The following CHST13 variants were observed in gnomAD, a reference collection of about 807,000 sequenced individuals.
CHST13 encodes the protein carbohydrate sulfotransferase 13.
In CHST13, 1 loss-of-function variant was observed where a neutral mutation model predicts 7.0. The ratio of observed to expected loss-of-function variants is 0.14; its 90% CI spans 0.05 to 0.68. CHST13 has a LOEUF of 0.68. Among genes scored for constraint, CHST13 ranks in the 30% least tolerant of loss-of-function variants. CHST13 has a pLI of 0.82. For synonymous variants in CHST13, 257 were observed against 240.9 expected (o/e 1.07, Z -0.62); for missense variants, 572 against 507.9 (o/e 1.13, Z -1.21).
Position 126,542,761 on chromosome 3 carries a change from C to A in CHST13, c.*183C>A. The A allele has an allele frequency of 1.1e-6, 1 of 887,834 alleles. No homozygotes were observed. The highest frequency in any genetic ancestry group is 1.5e-6 in the Non-Finnish European group (1 of 653,638). 55.0% of individuals were successfully genotyped at this position (887,834 alleles called of 1,614,324 possible). A position where few individuals can be genotyped will look rare whatever the true frequency, so the allele number is the denominator to read the frequency against. The stretch of plus-strand genomic sequence containing the variant: ...TTGGGGGCAGCCCATCTCAGGTGGC[C>A]CTGCACGCGTGTGCCTGCCTCGGCC... On this transcript the variant is annotated 3_prime_UTR_variant, in exon 3 of 3. Coordinates refer to ENST00000319340, the MANE Select transcript of CHST13 (RefSeq NM_152889.3).
At chr3:126,535,879 G>A (rs1310078344) in intron 1 of CHST13, among the ~76,000 whole-genome samples, 1 of 152,234 alleles carries the variant, frequency 6.6e-6, no homozygotes, top group Non-Finnish European at 1.5e-5. Context: ...TGAGGGTGCT[G>A]GGCAGCCAGC....
Position 126,537,812 on chromosome 3 carries a change from G to A in CHST13, c.180+1459G>A, listed in dbSNP as rs182730013. 2.9e-4 allele frequency among the ~76,000 whole-genome samples: 44 copies of A among 152,338 alleles called. No individual in the cohort carries two copies. In the East Asian group the frequency reaches 5.8e-3, roughly 20 times the overall value. On this transcript the variant is annotated intron_variant, in intron 2 of 2. Transcript: ENST00000319340. ...ATCACGTGCCAGGCCCTTTAGTTCT[G>A]TGGACTAATTACGTCAACCCATAAG...
intron 1 of CHST13, among the ~76,000 whole-genome samples, chr3:126,530,493 G>C (rs974365316): frequency 6.6e-6 from 1 of 152,200 alleles, no homozygotes; most frequent in Non-Finnish European, 1.5e-5. Flanking sequence ...AACACAGGCT[G>C]CTGAGCACCA....
chr3:126,528,337 A>G (rs942234895), intron 1 of CHST13, among the ~76,000 whole-genome samples: 8 of 152,138 alleles, frequency 5.3e-5, no homozygotes, highest in African/African-American at 1.9e-4. Flanking sequence ...AAAAGCAAAA[A>G]GTCCCCTTCC....
Position 126,541,853 on chromosome 3 carries a change from G to C in CHST13, c.301G>C (p.Val101Leu). The C allele has an allele frequency of 1.3e-6, 2 of 1,586,826 alleles. No individual in the cohort carries two copies. Among genetic ancestry groups the C allele is most frequent in the Non-Finnish European group, 1.7e-6 (2 of 1,167,300 alleles). Residue 101 changes from valine to leucine, a missense_variant, in exon 3 of 3, where the codon GTG (valine) becomes CTG (leucine). By Grantham distance (32) the Val-to-Leu change is conservative (BLOSUM62 1). Coordinates refer to ENST00000319340, the MANE Select transcript of CHST13 (RefSeq NM_152889.3). Reference sequence around the variant, plus strand: ...GCCGGAGGACCTGCGGCACGTGCTGGTGGACGACGCGCATGGCCTGCTCTA... The same window carrying C: ...GCCGGAGGACCTGCGGCACGTGCTGCTGGACGACGCGCATGGCCTGCTCTA... ...LQPEDLRHVL[V>L]DDAHGLLYCY...
chr3:126,524,265 C>T lies in CHST13; in HGVS notation c.-68C>T, dbSNP rs1936490643. On this transcript the variant is annotated 5_prime_UTR_variant, in exon 1 of 3. Transcript: ENST00000319340. ...GGCGCTGCGCTGCCGGGGCCGGGTC[C>T]TGGGCCAGTGCAACTCCGCCCCCAG... 5 of 1,178,106 alleles carry T rather than the reference C, an allele frequency of 4.2e-6. No homozygotes were observed. The highest frequency in any genetic ancestry group is 1.6e-5 in the African/African-American group (1 of 62,600). 73.0% of individuals were successfully genotyped at this position (1,178,106 alleles called of 1,614,324 possible).
Position 126,541,924 on chromosome 3 carries a change from G to T in CHST13, c.372G>T (p.Leu124=). The stretch of plus-strand genomic sequence containing the variant: ...CCTGCACCAACTGGAAGCGCGTGCT[G>T]CTGGCGCTGAGCGGCCAAGCCCGCG... ...KVACTNWKRV[L]LALSGQARGD... is the part of the protein sequence containing the mutation. Residue 124 remains leucine (L), a synonymous_variant, in exon 3 of 3, where the codon CTG becomes CTT. Coordinates refer to ENST00000319340, the MANE Select transcript of CHST13 (RefSeq NM_152889.3). The T allele has an allele frequency of 6.3e-7, 1 of 1,596,888 alleles. No homozygotes were observed. The highest frequency in any genetic ancestry group is 8.5e-7 in the Non-Finnish European group (1 of 1,172,520).
Position 126,542,489 on chromosome 3 carries a change from C to T in CHST13, c.937C>T (p.Pro313Ser), listed in dbSNP as rs148180435. The change falls in exon 3 of 3, where the codon CCC becomes TCC. Residue 313 changes from proline to serine, a missense_variant. By Grantham distance (74) the Pro-to-Ser change is moderately conservative (BLOSUM62 -1). Transcript: ENST00000319340. ...LAARLFRDIS[P>S]FYQRRLFDLY... ...AGCGCGCCTCTTCCGGGACATCAGCCCCTTCTACCAGCGGCGCCTCTTCGA... is the reference window on the plus strand; with the variant it reads ...AGCGCGCCTCTTCCGGGACATCAGCTCCTTCTACCAGCGGCGCCTCTTCGA... 9.7e-5 allele frequency: 153 copies of T among 1,582,730 alleles called. No individual in the cohort carries two copies. Among genetic ancestry groups the T allele is most frequent in the Non-Finnish European group, 1.2e-4 (143 of 1,168,242 alleles).
In CHST13 at chr3:126,542,721, C is replaced by T; in HGVS notation, c.*143C>T. On this transcript the variant is annotated 3_prime_UTR_variant, in exon 3 of 3. Coordinates refer to ENST00000319340, the MANE Select transcript of CHST13 (RefSeq NM_152889.3). ...GGCCGCCGGGCCAGCGGGCGCAGGGCACACCTGGCCAGGCTTGGGGGCAGC... is the reference window on the plus strand; with the variant it reads ...GGCCGCCGGGCCAGCGGGCGCAGGGTACACCTGGCCAGGCTTGGGGGCAGC... 8.0e-7 allele frequency: 1 copy of T among 1,250,162 alleles called. No individual in the cohort carries two copies. The highest frequency in any genetic ancestry group is 1.0e-6 in the Non-Finnish European group (1 of 970,500). 77.4% of individuals were successfully genotyped at this position (1,250,162 alleles called of 1,614,324 possible). A position where few individuals can be genotyped will look rare whatever the true frequency, so the allele number is the denominator to read the frequency against.
chr3:126,530,269 C>T (rs1936626506), intron 1 of CHST13, among the ~76,000 whole-genome samples: 1 of 152,262 alleles, frequency 6.6e-6, no homozygotes, highest in African/African-American at 2.4e-5. Context: ...TCTCTGGTAC[C>T]TGCTCCCTTT....
rs371306853 is a variant in CHST13, at chr3:126,536,372, G to C, written c.180+19G>C. On this transcript the variant is annotated intron_variant, in intron 2 of 2. Coordinates refer to ENST00000319340, the MANE Select transcript of CHST13 (RefSeq NM_152889.3). The stretch of plus-strand genomic sequence containing the variant: ...GGATCAGGTAGGTGGACAGACCCTC[G>C]ACCCAGGCATGCCCCCCTCCATCCC... 1.9e-4 allele frequency: 310 copies of C among 1,599,826 alleles called. No individual in the cohort carries two copies. The highest frequency in any genetic ancestry group is 2.5e-4 in the Non-Finnish European group (289 of 1,167,830).
chr3:126,524,391 T>A lies in CHST13; in HGVS notation c.59T>A (p.Leu20His). Reference sequence around the variant, plus strand: ...GCGGCCGCCTGTCTGGGCGCCGCGCTCCTGCTCCTATGCGCCGCGCCCCGC... The same window carrying A: ...GCGGCCGCCTGTCTGGGCGCCGCGCACCTGCTCCTATGCGCCGCGCCCCGC... ...VLAAACLGAALLLLCAAPRSL... is the reference protein window; with the variant it reads ...VLAAACLGAAHLLLCAAPRSL... The change falls in exon 1 of 3, where the codon CTC (leucine) becomes CAC (histidine). Residue 20 changes from leucine (L) to histidine (H), a missense_variant. Transcript: ENST00000319340. 8.2e-7 allele frequency: 1 copy of A among 1,225,742 alleles called. No homozygotes were observed. The highest frequency in any genetic ancestry group is 3.6e-5 in the South Asian group (1 of 27,410). 75.9% of individuals were successfully genotyped at this position (1,225,742 alleles called of 1,614,324 possible).
chr3:126,537,420 C>T (rs1382085751), intron 2 of CHST13, among the ~76,000 whole-genome samples: 1 of 152,248 alleles, frequency 6.6e-6, no homozygotes, highest in African/African-American at 2.4e-5. Context: ...ATCAGATTTT[C>T]ACCCTTGGGG....
chr3:126,542,869 CCA>C lies in CHST13; in HGVS notation c.*292_*293del, dbSNP rs1364926061. Reference sequence around the variant, plus strand: ...CCGTAGATGGGCAAGGACTTGATAACCAGGGTTTTAGGCTTTTAAAGGCCATT... The same window carrying C: ...CCGTAGATGGGCAAGGACTTGATAACGGGTTTTAGGCTTTTAAAGGCCATT... On this transcript the variant is annotated 3_prime_UTR_variant, in exon 3 of 3. Coordinates refer to ENST00000319340, the MANE Select transcript of CHST13 (RefSeq NM_152889.3). 3.2e-6 allele frequency: 1 copy of C among 312,144 alleles called. No homozygotes were observed. Among genetic ancestry groups the C allele is most frequent in the African/African-American group, 2.2e-5 (1 of 45,958 alleles). The allele number at this position is 312,144 out of a possible 1,614,324, so 19.3% of individuals were successfully genotyped here. A position where few individuals can be genotyped will look rare whatever the true frequency, so the allele number is the denominator to read the frequency against.
chr3:126,525,015 G>C (rs1230881721), intron 1 of CHST13, among the ~76,000 whole-genome samples: 2 of 152,152 alleles, frequency 1.3e-5, no homozygotes, highest in Admixed American at 6.5e-5. Context: ...CACCGGTGCT[G>C]AGTCTTTGCT....
rs1936999057 is a variant in CHST13 at position 126,542,731 on chromosome 3, CAGG to C, written c.*154_*156del. ...CCAGCGGGCGCAGGGCACACCTGGC[CAGG>C]CTTGGGGGCAGCCCATCTCAGGTGG... On this transcript the variant is annotated 3_prime_UTR_variant, in exon 3 of 3. Transcript: ENST00000319340. 1 of 1,213,052 alleles carries C rather than the reference CAGG, an allele frequency of 8.2e-7. No homozygotes were observed. Among genetic ancestry groups the C allele is most frequent in the Non-Finnish European group, 1.1e-6 (1 of 939,176 alleles). The allele number at this position is 1,213,052 out of a possible 1,614,324, so 75.1% of individuals were successfully genotyped here.
At chr3:126,530,955 G>T (rs1009839665) in intron 1 of CHST13, among the ~76,000 whole-genome samples, 4 of 152,274 alleles carry the variant, frequency 2.6e-5, no homozygotes, top group African/African-American at 4.8e-5. Flanking sequence ...GCAGGGGGCA[G>T]CAGGACCCTG....
chr3:126,543,119 C>T lies in CHST13; in HGVS notation c.*541C>T, dbSNP rs965948915. 1 of 152,296 alleles carries T rather than the reference C, an allele frequency of 6.6e-6. No individual in the cohort carries two copies. The highest frequency in any genetic ancestry group is 2.1e-4 in the South Asian group (1 of 4,842). 9.4% of individuals were successfully genotyped at this position (152,296 alleles called of 1,614,324 possible). ...ACTGCCATCGGGTCTCCTCTCCTCTCCCACGCGGCTGGCCCTACCCAGGCG... is the reference window on the plus strand; with the variant it reads ...ACTGCCATCGGGTCTCCTCTCCTCTTCCACGCGGCTGGCCCTACCCAGGCG... On this transcript the variant is annotated 3_prime_UTR_variant, in exon 3 of 3. Coordinates refer to ENST00000319340, the MANE Select transcript of CHST13 (RefSeq NM_152889.3).
intron 1 of CHST13, among the ~76,000 whole-genome samples, chr3:126,533,187 T>G (rs577103015): frequency 6.6e-6 from 1 of 152,264 alleles, no homozygotes; most frequent in African/African-American, 2.4e-5. Flanking sequence ...ATAGACAAAG[T>G]TTTACTTATT....
Sources: gnomAD v4.1 joint callset for allele counts (sites outside exome capture counted in the v4.1 genomes callset) on GRCh38, gnomAD v4.1.1 for gene constraint, MANE v1.5 for transcripts, NCBI Gene and HGNC (gene_info 2026-07-23, HGNC 2026-07-21) for gene names.